The following POC5 variants were observed in gnomAD, a reference collection of about 807,000 sequenced individuals.
POC5 encodes the protein centrosomal protein POC5.
Under a neutral mutation model 62.9 loss-of-function variants are expected in POC5, and 48 were observed. The observed-to-expected ratio is 0.76, with a 90% CI of 0.61 to 0.97. POC5 has a LOEUF of 0.97. Among genes scored for constraint, POC5 ranks in the 50% least tolerant of loss-of-function variants. The pLI, the probability that POC5 is intolerant of heterozygous loss-of-function variation, is 0.00. For synonymous variants in POC5, 236 were observed against 228.2 expected (o/e 1.03, Z -0.31); for missense variants, 696 against 679.5 (o/e 1.02, Z -0.27).
At chr5:75,712,117 A>C in intron 2 of POC5, 5 of 172,270 alleles carry the variant, frequency 2.9e-5, no homozygotes, top group Non-Finnish European at 5.8e-5. Context: ...GATTAAAGGA[A>C]CAAATTTGTT....
At chr5:75,705,862 A>G (rs1777096190) in intron 3 of POC5, 75 bp from the exon 4 acceptor site, 1 of 886,942 alleles carries the variant, frequency 1.1e-6, no homozygotes, top group Non-Finnish European at 1.7e-6. Flanking sequence ...ATAATTTAAG[A>G]AGGTAGCAGT....
chr5:75,705,614 G>T, intron 4 of POC5, 90 bp downstream of exon 4: 2 of 720,942 alleles, frequency 2.8e-6, no homozygotes, highest in Non-Finnish European at 4.3e-6. Context: ...TAAATAATAT[G>T]CTGAAATTAT....
rs571990766 is a variant in POC5 at position 75,709,741 on chromosome 5, T to C, written c.85-1866A>G. 6 of 152,332 alleles carry C rather than the reference T, an allele frequency of 3.9e-5. No individual in the cohort carries two copies. In the South Asian group the frequency reaches 1.2e-3, roughly 32 times the overall value. 9.4% of individuals were successfully genotyped at this position (152,332 alleles called of 1,614,324 possible). A position where few individuals can be genotyped will look rare whatever the true frequency, so the allele number is the denominator to read the frequency against. On this transcript the variant is annotated intron_variant, in intron 2 of 11. Coordinates refer to ENST00000428202, the MANE Select transcript of POC5 (RefSeq NM_001099271.2). ...GAAATTCCCAAAGAGCTTAATAAAT[T>C]GGGGCCATGCACAAGATATTTACTA...
intron 9 of POC5, among the ~76,000 whole-genome samples, chr5:75,687,035 C>T (rs1394882022): frequency 7.6e-6 from 1 of 132,364 alleles, no homozygotes; most frequent in African/African-American, 3.6e-5. Context: ...TTATAAAAAA[C>T]AATTTTTTTT....
chr5:75,678,118 T>G (rs1775742606), intron 10 of POC5, among the ~76,000 whole-genome samples, 168 bp from the exon 11 acceptor site: 1 of 151,984 alleles, frequency 6.6e-6, no homozygotes, highest in Non-Finnish European at 1.5e-5. Flanking sequence ...AAAACAAAAC[T>G]GAACACCCCA....
At chr5:75,709,585 T>G (rs1168114976) in intron 2 of POC5, 1 of 152,210 alleles carries the variant, frequency 6.6e-6, no homozygotes, top group Non-Finnish European at 1.5e-5. Flanking sequence ...GTATATGTGC[T>G]GCTGAAGCGA....
intron 7 of POC5, 125 bp from the exon 8 acceptor site, chr5:75,690,687 A>G: frequency 1.2e-6 from 1 of 858,668 alleles, no homozygotes; most frequent in South Asian, 2.0e-5. Flanking sequence ...TAATCATATT[A>G]TTCTCATCTT....
At chr5:75,703,646 AC>A (rs761446428) in intron 4 of POC5, among the ~76,000 whole-genome samples, 12 of 151,938 alleles carry the variant, frequency 7.9e-5, no homozygotes, top group Non-Finnish European at 1.6e-4. Flanking sequence ...CAAACAAAAA[AC>A]CTATTAAAAT....
chr5:75,683,018 A>C (rs1775930040), intron 10 of POC5, among the ~76,000 whole-genome samples: 1 of 152,176 alleles, frequency 6.6e-6, no homozygotes, highest in Non-Finnish European at 1.5e-5. Context: ...TACCTCCTTT[A>C]GCTACAGACA....
rs1318898610 is a variant in POC5 at position 75,674,505 on chromosome 5, C to G, written c.1658G>C (p.Arg553Thr). The G allele has an allele frequency of 6.2e-7, 1 of 1,613,936 alleles. No individual in the cohort carries two copies. Among genetic ancestry groups the G allele is most frequent in the East Asian group, 2.2e-5 (1 of 44,874 alleles). Reference sequence around the variant, plus strand: ...GTGAGCTGATCTGGTTCCAAGTGATCTGGAAGCTGAGGTACTACTTTCAGG... The same window carrying G: ...GTGAGCTGATCTGGTTCCAAGTGATGTGGAAGCTGAGGTACTACTTTCAGG... ...IHPESSTSASRSLGTRSAHTQ... is the reference protein window; with the variant it reads ...IHPESSTSASTSLGTRSAHTQ... The change falls in exon 12 of 12, where the codon AGA (arginine) becomes ACA (threonine). Residue 553 changes from arginine to threonine, a missense_variant. Coordinates refer to ENST00000428202, the MANE Select transcript of POC5 (RefSeq NM_001099271.2).
intron 1 of POC5, among the ~76,000 whole-genome samples, chr5:75,716,391 G>GA (rs1376014247): frequency 1.1e-5 from 1 of 86,988 alleles, no homozygotes; most frequent in Non-Finnish European, 2.0e-5. Flanking sequence ...GGTGGGGGGG[G>GA]GGGGGTGCTG....
In POC5 at chr5:75,692,393, T is replaced by TA; in HGVS notation, c.795+2dup. 1 of 1,577,568 alleles carries TA rather than the reference T, an allele frequency of 6.3e-7. No homozygotes were observed. Among genetic ancestry groups the TA allele is most frequent in the Non-Finnish European group, 8.6e-7 (1 of 1,160,218 alleles). On this transcript the variant is annotated splice_region_variant and intron_variant, in intron 7 of 11. Coordinates refer to ENST00000428202, the MANE Select transcript of POC5 (RefSeq NM_001099271.2). ...ATCAGCTGTCTTCTGCTTTGACACT[T>TA]ACATCCTGTCTGGCTCTGACATGGC...
Position 75,702,737 on chromosome 5 carries a change from A to G in POC5, c.381T>C (p.Ala127=). The G allele has an allele frequency of 6.2e-7, 1 of 1,604,294 alleles. No individual in the cohort carries two copies. The highest frequency in any genetic ancestry group is 8.5e-7 in the Non-Finnish European group (1 of 1,174,952). The change falls in exon 5 of 12, where the codon GCT becomes GCC. Residue 127 remains alanine (A), a synonymous_variant. Coordinates refer to ENST00000428202, the MANE Select transcript of POC5 (RefSeq NM_001099271.2). ...AATTTGTTGCTGGTGAGGAAGAGTC[A>G]GCTAAAAGATGTGAACTGAAAAAAT... ...VMDFFSSHLL[A]DSSSPATNSS...
chr5:75,690,934 G>A (rs989414816), intron 7 of POC5, among the ~76,000 whole-genome samples: 1 of 152,208 alleles, frequency 6.6e-6, no homozygotes, highest in Non-Finnish European at 1.5e-5. Context: ...AGAGTGGCTA[G>A]AAGGCAGGAA....
chr5:75,715,327 A>G (rs1369638567), intron 1 of POC5, among the ~76,000 whole-genome samples: 1 of 151,698 alleles, frequency 6.6e-6, no homozygotes, highest in African/African-American at 2.4e-5. Flanking sequence ...AAAAAAAAAA[A>G]AAAGAACTGC....
intron 1 of POC5, 124 bp from the exon 2 acceptor site, chr5:75,713,075 A>T (rs1195935204): frequency 1.4e-6 from 1 of 690,116 alleles, no homozygotes; most frequent in Non-Finnish European, 2.4e-6. Flanking sequence ...AAAATCATTC[A>T]TTCAACATAT....
At chr5:75,694,973 A>G in intron 5 of POC5, 142 bp from the exon 6 acceptor site, 1 of 602,034 alleles carries the variant, frequency 1.7e-6, no homozygotes, top group Non-Finnish European at 2.7e-6. Context: ...ACATTAATGA[A>G]AAACATATGT....
chr5:75,674,312 T>C lies in POC5; in HGVS notation c.*123A>G. The C allele has an allele frequency of 1.0e-6, 1 of 984,122 alleles. No individual in the cohort carries two copies. The highest frequency in any genetic ancestry group is 1.4e-6 in the Non-Finnish European group (1 of 693,698). 61.0% of individuals were successfully genotyped at this position (984,122 alleles called of 1,614,324 possible). ...AGAGCTTGAAAAAGCCTCTTGTAAT[T>C]TTGAACAGATGAACATGATGTCTCC... On this transcript the variant is annotated 3_prime_UTR_variant, in exon 12 of 12. Coordinates refer to ENST00000428202, the MANE Select transcript of POC5 (RefSeq NM_001099271.2).
At chr5:75,681,742 C>A (rs1775874414) in intron 10 of POC5, among the ~76,000 whole-genome samples, 1 of 151,696 alleles carries the variant, frequency 6.6e-6, no homozygotes, top group South Asian at 2.1e-4. Flanking sequence ...CTCCTTTTAG[C>A]TACTGGAAAT....
Sources: gnomAD v4.1 joint callset for allele counts (sites outside exome capture counted in the v4.1 genomes callset) on GRCh38, gnomAD v4.1.1 for gene constraint, MANE v1.5 for transcripts, NCBI Gene and HGNC (gene_info 2026-07-23, HGNC 2026-07-21) for gene names.